Variants in BRMS1 observed in about 807,000 individuals in gnomAD.
BRMS1 encodes the protein BRMS1 transcriptional repressor and anoikis regulator, also known as breast cancer metastasis-suppressor 1.
BRMS1 carries 26 observed loss-of-function variants against 40.4 expected under a neutral mutation model. That is an observed-to-expected ratio of 0.64 (90% confidence interval 0.47 to 0.89). The LOEUF is 0.89. Among genes scored for constraint, BRMS1 ranks in the 40% least tolerant of loss-of-function variants. The probability of loss-of-function intolerance (pLI) is 0.00; values close to 1 mark genes in which losing one functional copy is unlikely to be tolerated. For synonymous variants in BRMS1, 103 were observed against 116.0 expected (o/e 0.89, Z 0.72); for missense variants, 289 against 309.4 (o/e 0.93, Z 0.49).
In BRMS1 at chr11:66,341,617, T is replaced by C. The variant is rs1271273660; in HGVS notation, c.146A>G (p.Asp49Gly). 1 of 1,613,982 alleles carries C rather than the reference T, an allele frequency of 6.2e-7. No individual in the cohort carries two copies. Among genetic ancestry groups the C allele is most frequent in the Non-Finnish European group, 8.5e-7 (1 of 1,179,990 alleles). The change falls in exon 3 of 10, where the codon GAT becomes GGT. Residue 49 changes from aspartate to glycine, a missense_variant. Coordinates refer to ENST00000359957, the MANE Select transcript of BRMS1 (RefSeq NM_015399.4). The surrounding 1 kb of genome is among the most constrained non-coding windows in gnomAD (Gnocchi z 4.9). ...TESEEESSEM[D>G]DEDYERRRSE... ...GCGGCGTCGCTCATAGTCCTCATCA[T>C]CCATCTCTGGGACAAGAGGCCAGTA...
At chr11:66,339,138 C>T (rs1290315730) in intron 7 of BRMS1, among the ~76,000 whole-genome samples, 1 of 152,190 alleles carries the variant, frequency 6.6e-6, no homozygotes, top group Non-Finnish European at 1.5e-5. Context: ...ACAACTCTCC[C>T]TCCCCCAGTG....
Position 66,341,103 on chromosome 11 carries a change from G to C in BRMS1, c.359-57C>G. 6.2e-7 allele frequency: 1 copy of C among 1,612,102 alleles called. No individual in the cohort carries two copies. Among genetic ancestry groups the C allele is most frequent in the Non-Finnish European group, 8.5e-7 (1 of 1,179,104 alleles). Reference sequence around the variant, plus strand: ...GCTGGGGAGCCCGGTGCCCACATAGGAGGGCTGAGAGCAAAGGGCAAGGCC... The same window carrying C: ...GCTGGGGAGCCCGGTGCCCACATAGCAGGGCTGAGAGCAAAGGGCAAGGCC... On this transcript the variant is annotated intron_variant, in intron 4 of 9. Transcript: ENST00000359957. This position sits in a 1 kb window ranked among gnomAD's most constrained non-coding sequence, Gnocchi z 4.9.
At chr11:66,342,368 C>A (rs1855108564) in intron 1 of BRMS1, 127 bp from the exon 2 acceptor site, 11 of 1,216,874 alleles carry the variant, frequency 9.0e-6, no homozygotes, top group African/African-American at 1.5e-5. Context: ...CCTGGCCACA[C>A]CTTGAGCACA....
Position 66,341,183 on chromosome 11 carries a change from A to T in BRMS1, c.358+23T>A. 1 of 1,610,392 alleles carries T rather than the reference A, an allele frequency of 6.2e-7. No homozygotes were observed. Among genetic ancestry groups the T allele is most frequent in the Non-Finnish European group, 8.5e-7 (1 of 1,177,114 alleles). On this transcript the variant is annotated intron_variant, in intron 4 of 9. Transcript: ENST00000359957. This position sits in a 1 kb window ranked among gnomAD's most constrained non-coding sequence, Gnocchi z 4.9. ...GTGCCACGGGTTCTGGGAGGGGAAG[A>T]GGGTACAGAACCACCCACAGACCTG...
At chr11:66,342,039 G>A in intron 2 of BRMS1, 57 bp downstream of exon 2, 1 of 1,515,232 alleles carries the variant, frequency 6.6e-7, no homozygotes, top group Non-Finnish European at 9.0e-7. Context: ...GTGTGTGCAT[G>A]TGTGTGTGTA....
Position 66,341,959 on chromosome 11 carries a change from G to T in BRMS1, c.139+137C>A. 1 of 951,734 alleles carries T rather than the reference G, an allele frequency of 1.1e-6. No individual in the cohort carries two copies. Among genetic ancestry groups the T allele is most frequent in the Non-Finnish European group, 1.6e-6 (1 of 636,088 alleles). The allele number at this position is 951,734 out of a possible 1,614,324, so 59.0% of individuals were successfully genotyped here. A position where few individuals can be genotyped will look rare whatever the true frequency, so the allele number is the denominator to read the frequency against. On this transcript the variant is annotated intron_variant, in intron 2 of 9. Transcript: ENST00000359957. This position sits in a 1 kb window ranked among gnomAD's most constrained non-coding sequence, Gnocchi z 4.9. ...GTGTGCGTGTGTGCGCTTGTGTGCA[G>T]GGTCTGTGTATGTGCTTGTGTGTAG...
chr11:66,338,209 G>A lies in BRMS1; in HGVS notation c.733+34C>T, dbSNP rs545929547. The stretch of plus-strand genomic sequence containing the variant: ...GCTGAGGAAAGGTGATGGCAAGGGG[G>A]CAGGGAAGGCCATGCAACAGCCATG... On this transcript the variant is annotated intron_variant, in intron 9 of 9. Transcript: ENST00000359957. 23 of 1,606,840 alleles carry A rather than the reference G, an allele frequency of 1.4e-5. No individual in the cohort carries two copies. In the East Asian group the frequency reaches 4.0e-4, roughly 28 times the overall value.
chr11:66,337,715 G>A lies in BRMS1; in HGVS notation c.*167C>T, dbSNP rs766466043. The A allele has an allele frequency of 6.2e-7, 1 of 1,608,600 alleles. No homozygotes were observed. On this transcript the variant is annotated 3_prime_UTR_variant, in exon 10 of 10. Coordinates refer to ENST00000359957, the MANE Select transcript of BRMS1 (RefSeq NM_015399.4). Reference sequence around the variant, plus strand: ...GCAGGCCTCGAGGAGGGCAGAGGAGGAGTCCAGGCCAGTGCCAGATGGAGT... The same window carrying A: ...GCAGGCCTCGAGGAGGGCAGAGGAGAAGTCCAGGCCAGTGCCAGATGGAGT...
chr11:66,337,796 G>A lies in BRMS1; in HGVS notation c.*86C>T, dbSNP rs1565204287. ...GCTGGGCAGACCCTGAGGGGCCTGT[G>A]GGTCCGCCTGTCTGCAGGAGGAAGA... On this transcript the variant is annotated 3_prime_UTR_variant, in exon 10 of 10. Transcript: ENST00000359957. 6.2e-7 allele frequency: 1 copy of A among 1,613,918 alleles called. No individual in the cohort carries two copies. Among genetic ancestry groups the A allele is most frequent in the Non-Finnish European group, 8.5e-7 (1 of 1,179,922 alleles).
At chr11:66,338,549 A>G in intron 8 of BRMS1, 172 bp downstream of exon 8, 1 of 1,490,238 alleles carries the variant, frequency 6.7e-7, no homozygotes, top group Non-Finnish European at 8.9e-7. Context: ...CCCTTTTCCC[A>G]GGGCCGCCTT....
intron 7 of BRMS1, 149 bp from the exon 8 acceptor site, chr11:66,338,934 T>A: frequency 1.4e-6 from 1 of 738,470 alleles, no homozygotes; most frequent in Non-Finnish European, 2.2e-6. Context: ...TCCTACCTCT[T>A]AACCCCCTGG....
Position 66,341,527 on chromosome 11 carries a change from G to A in BRMS1, c.230+6C>T, listed in dbSNP as rs754723425. 27 of 1,613,470 alleles carry A rather than the reference G, an allele frequency of 1.7e-5. No homozygotes were observed. The highest frequency in any genetic ancestry group is 8.9e-5 in the East Asian group (4 of 44,888). ...CAGACCCAGCCCAAGGTGTCCCCAC[G>A]CTCACTTCTCCTTTAGCTCCGAGAA... is the stretch of plus-strand genomic sequence containing the variant. On this transcript the variant is annotated splice_donor_region_variant and intron_variant, in intron 3 of 9. Transcript: ENST00000359957. The surrounding 1 kb of genome is among the most constrained non-coding windows in gnomAD (Gnocchi z 4.9).
At position 66,340,873 on chromosome 11, in the gene BRMS1, G is replaced by A; in HGVS notation, c.439-3C>T. The stretch of plus-strand genomic sequence containing the variant: ...TCATAGAGCAGCAGCTTCTCACTCT[G>A]GAAGAGGGGGCAATAGCTCAGCAGG... On this transcript the variant is annotated splice_polypyrimidine_tract_variant and splice_region_variant and intron_variant, in intron 5 of 9. Coordinates refer to ENST00000359957, the MANE Select transcript of BRMS1 (RefSeq NM_015399.4). 1 of 1,614,044 alleles carries A rather than the reference G, an allele frequency of 6.2e-7. No homozygotes were observed. The highest frequency in any genetic ancestry group is 2.2e-5 in the East Asian group (1 of 44,890).
Position 66,341,627 on chromosome 11 carries a change from G to A in BRMS1, c.140-4C>T, listed in dbSNP as rs1249105388. On this transcript the variant is annotated splice_polypyrimidine_tract_variant and splice_region_variant and intron_variant, in intron 2 of 9. Transcript: ENST00000359957. This position sits in a 1 kb window ranked among gnomAD's most constrained non-coding sequence, Gnocchi z 4.9. ...TCATAGTCCTCATCATCCATCTCTG[G>A]GACAAGAGGCCAGTAAGGGCTAGCT... The A allele has an allele frequency of 6.2e-7, 1 of 1,613,748 alleles. No individual in the cohort carries two copies. The highest frequency in any genetic ancestry group is 8.5e-7 in the Non-Finnish European group (1 of 1,179,834).
chr11:66,343,780 C>T (rs1892940), intron 1 of BRMS1, among the ~76,000 whole-genome samples: 88,375 of 151,930 alleles, frequency 0.58, 28,319 homozygotes, highest in South Asian at 0.81. Context: ...ACAATGTGTG[C>T]GATCAGAAGA....
At chr11:66,338,006 A>G in intron 9 of BRMS1, 117 bp from the exon 10 acceptor site, 2 of 1,266,604 alleles carry the variant, frequency 1.6e-6, no homozygotes, top group Non-Finnish European at 2.2e-6. Flanking sequence ...GCAGCTCCAC[A>G]GCCCTCCCTG....
intron 1 of BRMS1, among the ~76,000 whole-genome samples, chr11:66,344,403 G>A (rs942484980): frequency 1.3e-5 from 2 of 152,126 alleles, no homozygotes; most frequent in African/African-American, 4.8e-5. Flanking sequence ...GACTTGAAAG[G>A]CTCGGTTCTC....
chr11:66,340,258 A>AAG (rs1855036370), intron 6 of BRMS1, 45 bp from the exon 7 acceptor site: 1 of 1,543,870 alleles, frequency 6.5e-7, no homozygotes. Flanking sequence ...GGCCCACAGG[A>AAG]TACTCCCTTT....
Position 66,342,239 on chromosome 11 carries a change from A to G in BRMS1, c.-5T>C. On this transcript the variant is annotated splice_region_variant and 5_prime_UTR_variant, in exon 2 of 10. Transcript: ENST00000359957. The stretch of plus-strand genomic sequence containing the variant: ...GCTTGGAGGCTGGACAGGCATCTGG[A>G]CTCTGGGAGAAGGAATGGAGCTATC... The G allele has an allele frequency of 6.2e-7, 1 of 1,612,276 alleles. No individual in the cohort carries two copies. The highest frequency in any genetic ancestry group is 8.5e-7 in the Non-Finnish European group (1 of 1,179,908).
Sources: gnomAD v4.1 joint callset for allele counts (sites outside exome capture counted in the v4.1 genomes callset) on GRCh38, gnomAD v4.1.1 for gene constraint, Gnocchi (gnomAD v3.1) non-coding constraint, MANE v1.5 for transcripts, NCBI Gene and HGNC (gene_info 2026-07-23, HGNC 2026-07-21) for gene names.